The following CACNA1E variants were observed in gnomAD, a reference collection of about 807,000 sequenced individuals.
CACNA1E encodes calcium voltage-gated channel subunit alpha1 E.
A neutral mutation model predicts 259.2 loss-of-function variants in CACNA1E; 40 were observed. The ratio of observed to expected loss-of-function variants is 0.15; its 90% CI spans 0.12 to 0.20. The LOEUF (loss-of-function observed/expected upper bound fraction) is 0.20, where lower values mean the gene tolerates loss of function less well. Among genes scored for constraint, CACNA1E ranks in the 10% least tolerant of loss-of-function variants. The probability of loss-of-function intolerance (pLI) is 1.00; values close to 1 mark genes in which losing one functional copy is unlikely to be tolerated. For synonymous variants in CACNA1E, 1,104 were observed against 1,138.5 expected (o/e 0.97, Z 0.61); for missense variants, 1,874 against 3,040.1 (o/e 0.62, Z 9.02).
chr1:181,685,882 C>G (rs1428766676), intron 7 of CACNA1E, among the ~76,000 whole-genome samples: 1 of 152,128 alleles, frequency 6.6e-6, no homozygotes, highest in Non-Finnish European at 1.5e-5. Context: ...TTTTTTATCT[C>G]CTGCATCCTA....
At chr1:181,753,174 C>T (rs1657751981) in intron 27 of CACNA1E, among the ~76,000 whole-genome samples, 1 of 152,224 alleles carries the variant, frequency 6.6e-6, no homozygotes, top group Admixed American at 6.5e-5. Context: ...TCCCAGCAAG[C>T]AGACTCAATT....
chr1:181,753,899 G>A (rs1558347963), intron 27 of CACNA1E, among the ~76,000 whole-genome samples: 1 of 152,148 alleles, frequency 6.6e-6, no homozygotes, highest in Non-Finnish European at 1.5e-5. Flanking sequence ...CAGGGCCCTG[G>A]CCCACCGCGT....
chr1:181,382,198 A>T (rs1655505902), intron 1 of CACNA1E, among the ~76,000 whole-genome samples: 1 of 152,194 alleles, frequency 6.6e-6, no homozygotes, highest in Non-Finnish European at 1.5e-5. Flanking sequence ...AGGAACAGTG[A>T]TTGCAGAGGC....
At chr1:181,614,249 T>C (rs1655013556) in intron 6 of CACNA1E, among the ~76,000 whole-genome samples, 2 of 152,206 alleles carry the variant, frequency 1.3e-5, no homozygotes, top group Admixed American at 6.5e-5. Context: ...GTTGGATTCA[T>C]TTGTCTTGAA....
chr1:181,499,897 C>G (rs1419287466), intron 1 of CACNA1E, among the ~76,000 whole-genome samples: 1 of 152,232 alleles, frequency 6.6e-6, no homozygotes, highest in African/African-American at 2.4e-5. Context: ...TGGCTGCTCC[C>G]TCTCAGTTTT....
chr1:181,684,554 G>A (rs761728953), intron 7 of CACNA1E, among the ~76,000 whole-genome samples: 3 of 152,032 alleles, frequency 2.0e-5, no homozygotes, highest in African/African-American at 4.8e-5. Context: ...TCTTTGCCAA[G>A]GCCAATGTCC....
At chr1:181,575,777 C>G in intron 3 of CACNA1E, among the ~76,000 whole-genome samples, 1 of 152,194 alleles carries the variant, frequency 6.6e-6, no homozygotes, top group Non-Finnish European at 1.5e-5. Context: ...GAGTCTCCCA[C>G]CTGGGCAGCA....
Position 181,791,899 on chromosome 1 carries a change from A to ACACT in CACNA1E, c.5898+1346_5898+1349dup, listed in dbSNP as rs142285084. Among the ~76,000 whole-genome samples the ACACT allele has an allele frequency of 5.2e-3, 790 of 152,276 alleles. 8 individuals are homozygous for ACACT. The highest frequency in any genetic ancestry group is 8.6e-3 in the Non-Finnish European group (586 of 68,026). On this transcript the variant is annotated intron_variant, in intron 44 of 47. Transcript: ENST00000367573. Reference sequence around the variant, plus strand: ...TGGGCACCCCCACAGAGGGCGAAAAACACTCAGTAGCTCAAACAAATGCGT... The same window carrying ACACT: ...TGGGCACCCCCACAGAGGGCGAAAAACACTCACTCAGTAGCTCAAACAAATGCGT...
intron 3 of CACNA1E, among the ~76,000 whole-genome samples, chr1:181,515,257 C>G (rs1407420258): frequency 6.6e-6 from 1 of 152,166 alleles, no homozygotes; most frequent in East Asian, 1.9e-4. Flanking sequence ...CCCAATGTGT[C>G]CATCCTGAGA....
intron 8 of CACNA1E, among the ~76,000 whole-genome samples, chr1:181,713,611 G>C (rs1653604815): frequency 6.6e-6 from 1 of 152,036 alleles, no homozygotes; most frequent in Non-Finnish European, 1.5e-5. Context: ...CTCTCCTACT[G>C]TCCTTTTACT....
intron 2 of CACNA1E, among the ~76,000 whole-genome samples, chr1:181,467,840 C>T (rs1450071129): frequency 6.6e-6 from 1 of 152,064 alleles, no homozygotes; most frequent in Non-Finnish European, 1.5e-5. Context: ...TGATTTGGGC[C>T]CCAAGGGTCA....
At chr1:181,779,532 C>T (rs1338106023) in intron 38 of CACNA1E, 1 of 452,262 alleles carries the variant, frequency 2.2e-6, no homozygotes, top group Non-Finnish European at 4.4e-6. Flanking sequence ...TACAGGGTGG[C>T]TTGCAAGGTT....
At chr1:181,767,030 G>A (rs1305855706) in intron 35 of CACNA1E, among the ~76,000 whole-genome samples, 1 of 152,180 alleles carries the variant, frequency 6.6e-6, no homozygotes, top group African/African-American at 2.4e-5. Context: ...TCCTGTATAT[G>A]GTGACACCAA....
intron 6 of CACNA1E, among the ~76,000 whole-genome samples, chr1:181,601,717 C>T (rs768268657): frequency 6.6e-6 from 1 of 152,194 alleles, no homozygotes; most frequent in Non-Finnish European, 1.5e-5. Context: ...TCCCTGATTG[C>T]ATCATTACCC....
chr1:181,567,964 T>TACAC (rs1444411239), intron 3 of CACNA1E, among the ~76,000 whole-genome samples: 2 of 151,610 alleles, frequency 1.3e-5, no homozygotes, highest in African/African-American at 4.8e-5. Flanking sequence ...CACATATATA[T>TACAC]ACACACACAC....
intron 7 of CACNA1E, among the ~76,000 whole-genome samples, chr1:181,685,025 C>G (rs1650373213): frequency 1.3e-5 from 2 of 151,800 alleles, no homozygotes; most frequent in Non-Finnish European, 2.9e-5. Context: ...TCTTGAGATT[C>G]TCTGTAAGTT....
intron 1 of CACNA1E, among the ~76,000 whole-genome samples, chr1:181,489,143 A>G (rs1029189538): frequency 1.6e-4 from 24 of 152,196 alleles, no homozygotes; most frequent in East Asian, 5.8e-4. Flanking sequence ...CAGTCCATCA[A>G]TGGTGACTCT....
chr1:181,688,319 G>T lies in CACNA1E; in HGVS notation c.1056-22635G>T, dbSNP rs949701435. Reference sequence around the variant, plus strand: ...ACAGTGTATGTTTTTATAGAGGTTGGTTCATTCACTTCACTTTCGCTGCTG... The same window carrying T: ...ACAGTGTATGTTTTTATAGAGGTTGTTTCATTCACTTCACTTTCGCTGCTG... On this transcript the variant is annotated intron_variant, in intron 7 of 47. Transcript: ENST00000367573. Among the ~76,000 whole-genome samples, 4 of 152,098 alleles carry T rather than the reference G, an allele frequency of 2.6e-5. No homozygotes were observed. In the East Asian group the frequency reaches 7.7e-4, roughly 29 times the overall value.
At chr1:181,609,710 C>G (rs1251127509) in intron 6 of CACNA1E, among the ~76,000 whole-genome samples, 1 of 152,148 alleles carries the variant, frequency 6.6e-6, no homozygotes, top group Non-Finnish European at 1.5e-5. Flanking sequence ...TTAGCTCCTT[C>G]GTGCATTATC....
Sources: gnomAD v4.1 joint callset for allele counts (sites outside exome capture counted in the v4.1 genomes callset) on GRCh38, gnomAD v4.1.1 for gene constraint, MANE v1.5 for transcripts, NCBI Gene and HGNC (gene_info 2026-07-23, HGNC 2026-07-21) for gene names.